The following ARL17A variants were observed in gnomAD, a reference collection of about 807,000 sequenced individuals.
The protein encoded by ARL17A is ARF like GTPase 17A, also known as ADP-ribosylation factor-like 17-like.
downstream of ARL17A, among the ~76,000 whole-genome samples, chr17:46,525,580 C>A (rs2052597299): frequency 1.1e-5 from 1 of 89,800 alleles, no homozygotes; most frequent in African/African-American, 4.2e-5. Flanking sequence ...GAGTGAGACT[C>A]TGTCTCAAAT....
intron 3 of ARL17A, chr17:46,558,859 T>C (rs1377025277): frequency 1.3e-5 from 1 of 74,790 alleles, no homozygotes; most frequent in Non-Finnish European, 2.8e-5. Flanking sequence ...TTTTTTTTTT[T>C]TCAGAGACGG....
At chr17:46,575,473 G>C (rs2057774660) in intron 2 of ARL17A, among the ~76,000 whole-genome samples, 1 of 147,268 alleles carries the variant, frequency 6.8e-6, no homozygotes, top group Non-Finnish European at 1.5e-5. Context: ...AGCTGGAACA[G>C]AGGCTGACTG....
intron 4 of ARL17A, among the ~76,000 whole-genome samples, chr17:46,532,277 T>C: frequency 6.7e-6 from 1 of 149,538 alleles, no homozygotes; most frequent in Non-Finnish European, 1.5e-5. Context: ...CATGCTATTA[T>C]TATCTGCTTC....
intron 4 of ARL17A, among the ~76,000 whole-genome samples, chr17:46,532,947 G>A (rs2552467): frequency 8.4e-6 from 1 of 118,802 alleles, no homozygotes; most frequent in Non-Finnish European, 1.7e-5. Flanking sequence ...CAAAAAAAAT[G>A]TAAAAGTTAG....
In ARL17A at chr17:46,518,620, AAG is replaced by A. The variant is rs1332103380; in HGVS notation, c.260-1389_260-1388del. On this transcript the variant is annotated intron_variant, in intron 3 of 4. Transcript: ENST00000445552. Reference sequence around the variant, plus strand: ...TTTTGCTGAAGTTATGGATGAATAAAAGGGATTCCATCTAAATGTGAATTTTT... The same window carrying A: ...TTTTGCTGAAGTTATGGATGAATAAAGGATTCCATCTAAATGTGAATTTTT... Among the ~76,000 whole-genome samples, 4 of 76,212 alleles carry A rather than the reference AAG, an allele frequency of 5.2e-5. No homozygotes were observed. The East Asian group carries it at 1.1e-3, about 22-fold the overall frequency. 50.0% of individuals were successfully genotyped at this position (76,212 alleles called of 152,430 possible). A position where few individuals can be genotyped will look rare whatever the true frequency, so the allele number is the denominator to read the frequency against.
At chr17:46,542,886 G>C (rs1385235796) in intron 3 of ARL17A, among the ~76,000 whole-genome samples, 1 of 150,036 alleles carries the variant, frequency 6.7e-6, no homozygotes, top group African/African-American at 2.5e-5. Context: ...GCATGGAAAG[G>C]GCCCTTCATT....
the ARL17A span, among the ~76,000 whole-genome samples, chr17:46,502,823 G>C: frequency 6.6e-6 from 1 of 151,110 alleles, no homozygotes; most frequent in Non-Finnish European, 1.5e-5. Context: ...CCACCCAGGG[G>C]CTCAGAGCCC....
At chr17:46,568,427 A>C (rs2057568101) in intron 3 of ARL17A, among the ~76,000 whole-genome samples, 1 of 126,548 alleles carries the variant, frequency 7.9e-6, no homozygotes, top group Admixed American at 7.8e-5. Flanking sequence ...AAATCCACAG[A>C]TAGCCAAGCA....
downstream of ARL17A, chr17:46,550,495 G>C (rs1242912661): frequency 1.3e-6 from 1 of 780,072 alleles, no homozygotes; most frequent in African/African-American, 2.4e-5. Flanking sequence ...TAACGATTTT[G>C]ATTATACTTT....
Position 46,520,693 on chromosome 17 carries a change from A to C in ARL17A, c.260-3460T>G, listed in dbSNP as rs996839646. On this transcript the variant is annotated intron_variant, in intron 3 of 4. Coordinates refer to the ARL17A transcript ENST00000445552. Reference sequence around the variant, plus strand: ...ACTGTGAAAGAAAAAGAAAAGAAACAAAGAAATATGCGAGAGATCATATGT... The same window carrying C: ...ACTGTGAAAGAAAAAGAAAAGAAACCAAGAAATATGCGAGAGATCATATGT... Among the ~76,000 whole-genome samples the C allele has an allele frequency of 1.0e-4, 3 of 29,390 alleles. 1 individual carries two copies. Among genetic ancestry groups the C allele is most frequent in the Admixed American group, 7.0e-4 (2 of 2,846 alleles). The allele number at this position is 29,390 out of a possible 152,430, so 19.3% of individuals were successfully genotyped here.
chr17:46,548,109 G>A, downstream of ARL17A: 2 of 132,256 alleles, frequency 1.5e-5, no homozygotes, highest in South Asian at 4.8e-5. Flanking sequence ...TTCCAAGTAG[G>A]TGGCCGTGTT....
At chr17:46,537,021 G>T (rs1598420356) in intron 4 of ARL17A, among the ~76,000 whole-genome samples, 1 of 50,596 alleles carries the variant, frequency 2.0e-5, no homozygotes, top group Non-Finnish European at 3.3e-5. Context: ...TGCTCCTTGG[G>T]TTGCTGCAAG....
At chr17:46,549,239 C>A (rs376504096), downstream of ARL17A, 41 of 1,611,152 alleles carry the variant, frequency 2.5e-5, 3 homozygotes, top group East Asian at 5.6e-4. Flanking sequence ...GACCTGAGTC[C>A]TCAAGAAAAC....
chr17:46,534,521 C>T (rs370120827), intron 4 of ARL17A, among the ~76,000 whole-genome samples: 1 of 148,166 alleles, frequency 6.7e-6, no homozygotes, highest in Non-Finnish European at 1.5e-5. Flanking sequence ...GGGGTAAGGT[C>T]ATAGATCAAC....
intron 3 of ARL17A, among the ~76,000 whole-genome samples, chr17:46,522,388 G>C (rs1235573873): frequency 9.7e-6 from 1 of 102,666 alleles, no homozygotes. Context: ...TGATATTGAA[G>C]TGGCTTAGGA....
In ARL17A at chr17:46,555,362, T is replaced by A; in HGVS notation, c.*1994A>T. 1 of 1,515,640 alleles carries A rather than the reference T, an allele frequency of 6.6e-7. No individual in the cohort carries two copies. Among genetic ancestry groups the A allele is most frequent in the Non-Finnish European group, 9.0e-7 (1 of 1,117,136 alleles). 93.9% of individuals were successfully genotyped at this position (1,515,640 alleles called of 1,614,324 possible). A position where few individuals can be genotyped will look rare whatever the true frequency, so the allele number is the denominator to read the frequency against. ...CTCTCAGTGCCACAAGAATAAATAA[T>A]CATGCATGGAAGCTGCACAAGAAGT... On this transcript the variant is annotated 3_prime_UTR_variant, in exon 4 of 4. Transcript: ENST00000336125.
chr17:46,539,256 G>A (rs1241853574), intron 3 of ARL17A, among the ~76,000 whole-genome samples: 151 of 102,254 alleles, frequency 1.5e-3, no homozygotes, highest in Non-Finnish European at 1.6e-3. Context: ...CCCTCAAAGC[G>A]CTCATAGTCC....
chr17:46,506,322 AC>A, the ARL17A span, among the ~76,000 whole-genome samples: 1 of 74,018 alleles, frequency 1.4e-5, no homozygotes, highest in African/African-American at 8.0e-5. Context: ...TCTGTACCAA[AC>A]CTTTTTTGTT....
chr17:46,516,635 AG>A (rs1290799126), downstream of ARL17A: 1 of 167,414 alleles, frequency 6.0e-6, no homozygotes, highest in East Asian at 1.6e-4. Context: ...TATCAGCTAC[AG>A]GAGTTTGAAA....
Sources: allele counts gnomAD v4.1 joint callset (sites outside exome capture counted in the v4.1 genomes callset), GRCh38; gene constraint gnomAD v4.1.1; transcripts MANE v1.5; gene names NCBI Gene and HGNC (gene_info 2026-07-23, HGNC 2026-07-21).